COL5A1: variants seen among roughly 807,000 people sequenced by gnomAD.
COL5A1 encodes the protein collagen type V alpha 1 chain.
Under a neutral mutation model 263.7 loss-of-function variants are expected in COL5A1, and 16 were observed. The ratio of observed to expected loss-of-function variants is 0.06; its 90% CI spans 0.04 to 0.09. The LOEUF (loss-of-function observed/expected upper bound fraction) is 0.09, where lower values mean the gene tolerates loss of function less well. Ranked by LOEUF, COL5A1 falls within the 10% of genes least tolerant of loss-of-function variation. The pLI, the probability that COL5A1 is intolerant of heterozygous loss-of-function variation, is 1.00. For missense variants in COL5A1, 2,036 were observed against 2,540.5 expected (o/e 0.80, Z 4.27); for synonymous variants, 1,012 against 1,004.5 (o/e 1.01, Z -0.14).
At chr9:134,687,802 G>A (rs564533786) in intron 1 of COL5A1, among the ~76,000 whole-genome samples, 1 of 152,306 alleles carries the variant, frequency 6.6e-6, no homozygotes, top group South Asian at 2.1e-4. Flanking sequence ...GCAAAAGAGA[G>A]GGGCTCTTGT....
rs1172229000 is a variant in COL5A1 at position 134,758,851 on chromosome 9, T to C, written c.1935+555T>C. 3.9e-5 allele frequency among the ~76,000 whole-genome samples: 6 copies of C among 152,172 alleles called. No homozygotes were observed. The highest frequency in any genetic ancestry group is 1.4e-4 in the African/African-American group (6 of 41,414). On this transcript the variant is annotated intron_variant, in intron 18 of 65. Transcript: ENST00000371817. This position sits in a 1 kb window ranked among gnomAD's most constrained non-coding sequence, Gnocchi z 4.1. ...GCGGTGACCTGGGGGTCTTCCTGGC[T>C]GCGCCGTTTCTATGTGGTTGTTGGA...
intron 50 of COL5A1, 55 bp downstream of exon 50, chr9:134,814,959 T>C: frequency 1.6e-6 from 2 of 1,270,560 alleles, no homozygotes; most frequent in Non-Finnish European, 2.2e-6. Context: ...GGCTCTGCAC[T>C]GGGATCATTC....
intron 11 of COL5A1, among the ~76,000 whole-genome samples, chr9:134,747,663 GC>G (rs1835573411): frequency 1.4e-5 from 2 of 140,308 alleles, no homozygotes; most frequent in South Asian, 4.7e-4. Flanking sequence ...GCAGACACAT[GC>G]ACACATGTAT....
intron 41 of COL5A1, among the ~76,000 whole-genome samples, 187 bp downstream of exon 41, chr9:134,805,401 C>T (rs901804181): frequency 1.3e-5 from 2 of 152,084 alleles, no homozygotes; most frequent in African/African-American, 2.4e-5. Flanking sequence ...GCCAGGATGA[C>T]GAAGGGTCCC....
chr9:134,649,418 G>C (rs187897029), intron 1 of COL5A1: 1 of 455,388 alleles, frequency 2.2e-6, no homozygotes, highest in Non-Finnish European at 4.5e-6. Flanking sequence ...TCAGAGCTCT[G>C]GGGACATGGG....
At position 134,789,119 on chromosome 9, in the gene COL5A1, C is replaced by T. The variant is rs766293951; in HGVS notation, c.2647-36C>T. ...CCATGCAGCATGACTCATTCCTGGC[C>T]CAGCTCTGATGCCTCCTCCTTAAAC... On this transcript the variant is annotated intron_variant, in intron 31 of 65. Transcript: ENST00000371817. The surrounding 1 kb of genome is among the most constrained non-coding windows in gnomAD (Gnocchi z 4.8). 3.1e-6 allele frequency: 5 copies of T among 1,603,236 alleles called. No homozygotes were observed. The East Asian group carries it at 6.7e-5, about 21-fold the overall frequency.
chr9:134,820,050 C>A, intron 57 of COL5A1, 66 bp from the exon 58 acceptor site: 1 of 1,186,704 alleles, frequency 8.4e-7, no homozygotes, highest in Non-Finnish European at 1.3e-6. Context: ...TGCTAACTGG[C>A]CCACCGTGGC....
chr9:134,737,387 C>A (rs547533515), intron 9 of COL5A1, among the ~76,000 whole-genome samples: 1 of 152,340 alleles, frequency 6.6e-6, no homozygotes, highest in South Asian at 2.1e-4. Flanking sequence ...GGGGAGCAGA[C>A]ACTTGAGGGG....
intron 11 of COL5A1, among the ~76,000 whole-genome samples, chr9:134,743,250 A>G (rs1204479050): frequency 2.0e-5 from 3 of 152,104 alleles, no homozygotes; most frequent in Admixed American, 6.5e-5. Context: ...ATTTTTCAGG[A>G]TGCTGTGGCC....
Position 134,810,255 on chromosome 9 carries a change from G to A in COL5A1, c.3475G>A (p.Gly1159Arg). ...CCGAATCCCCCACACCTTCCCCTAG[G>A]GAGAGATCGGGGAGCCGGGGCAGAA... is the stretch of plus-strand genomic sequence containing the variant. Reference protein sequence around the residue: ...VGPPGEDGDKGEIGEPGQKGS... With the variant: ...VGPPGEDGDKREIGEPGQKGS... The change falls in exon 44 of 66, where the codon GGA becomes AGA. Residue 1159 changes from glycine to arginine, a missense_variant and splice_region_variant. Around this residue, in one of 3 missense-constraint regions of COL5A1, gnomAD observed 1,078 missense variants for 1,521.4 expected, o/e 0.71. Transcript: ENST00000371817. 6.2e-7 allele frequency: 1 copy of A among 1,614,126 alleles called. No individual in the cohort carries two copies. The highest frequency in any genetic ancestry group is 8.5e-7 in the Non-Finnish European group (1 of 1,179,938).
intron 59 of COL5A1, among the ~76,000 whole-genome samples, chr9:134,822,370 A>G (rs1321830593): frequency 6.6e-6 from 1 of 152,192 alleles, no homozygotes; most frequent in South Asian, 2.1e-4. Context: ...TGGGGAAGAC[A>G]GGGACAGGAA....
rs1472920205 is a variant in COL5A1, at chr9:134,647,890, G to A, written c.109+5594G>A. ...GTGGATGTGCCTCGATCCTGCAGGCGGAGCCCACAGCGGCCCTTGTGGTGG... is the reference window on the plus strand; with the variant it reads ...GTGGATGTGCCTCGATCCTGCAGGCAGAGCCCACAGCGGCCCTTGTGGTGG... On this transcript the variant is annotated intron_variant, in intron 1 of 65. Coordinates refer to ENST00000371817, the MANE Select transcript of COL5A1 (RefSeq NM_000093.5). This position sits in a 1 kb window ranked among gnomAD's most constrained non-coding sequence, Gnocchi z 5.0. Among the ~76,000 whole-genome samples, 2 of 152,170 alleles carry A rather than the reference G, an allele frequency of 1.3e-5. No individual in the cohort carries two copies. The highest frequency in any genetic ancestry group is 2.9e-5 in the Non-Finnish European group (2 of 68,038).
In COL5A1 at chr9:134,841,984, A is replaced by G. The variant is rs1042891670; in HGVS notation, c.5371-173A>G. ...TGGGACATCCACCGGGGTTAAATGC[A>G]TGCTCTGATCAGCCATATTTCCTCC... On this transcript the variant is annotated intron_variant, in intron 65 of 65. Coordinates refer to ENST00000371817, the MANE Select transcript of COL5A1 (RefSeq NM_000093.5). The surrounding 1 kb of genome is among the most constrained non-coding windows in gnomAD (Gnocchi z 4.8). 3.3e-5 allele frequency among the ~76,000 whole-genome samples: 5 copies of G among 152,052 alleles called. No individual in the cohort carries two copies. Among genetic ancestry groups the G allele is most frequent in the African/African-American group, 1.2e-4 (5 of 41,418 alleles).
chr9:134,779,938 C>T (rs1173557422), intron 27 of COL5A1, among the ~76,000 whole-genome samples, 164 bp from the exon 28 acceptor site: 1 of 152,114 alleles, frequency 6.6e-6, no homozygotes, highest in African/African-American at 2.4e-5. Context: ...CGCTGGGCCT[C>T]CTGAGGCCAC....
intron 27 of COL5A1, among the ~76,000 whole-genome samples, chr9:134,776,486 G>A (rs1242969520): frequency 6.6e-6 from 1 of 152,210 alleles, no homozygotes; most frequent in Non-Finnish European, 1.5e-5. Context: ...GGAAAACCGA[G>A]GTTTAAAATT....
intron 42 of COL5A1, among the ~76,000 whole-genome samples, chr9:134,807,512 C>T (rs752148121): frequency 7.9e-5 from 12 of 152,168 alleles, no homozygotes; most frequent in Non-Finnish European, 1.5e-4. Context: ...AGGCTGGTCT[C>T]GAACTCCTGA....
chr9:134,643,347 C>A (rs557751697), intron 1 of COL5A1, among the ~76,000 whole-genome samples: 1 of 152,060 alleles, frequency 6.6e-6, no homozygotes, highest in East Asian at 1.9e-4. Context: ...GGAGAAGTGG[C>A]GGGCAGAGCG....
Position 134,774,682 on chromosome 9 carries a change from G to A in COL5A1, c.2332-177G>A, listed in dbSNP as rs72774444. Among the ~76,000 whole-genome samples the A allele has an allele frequency of 0.022, 3,360 of 152,316 alleles. 35 individuals are homozygous for A. The highest frequency in any genetic ancestry group is 0.039 in the East Asian group (204 of 5,182). On this transcript the variant is annotated intron_variant, in intron 26 of 65. Transcript: ENST00000371817. ...AGACACAGCCACACCTCCACTGTCA[G>A]TGCAGGCTGTGAACACCTGTGCGAG...
At position 134,809,066 on chromosome 9, in the gene COL5A1, GT is replaced by G. The variant is rs1838410595; in HGVS notation, c.3367-116del. 6.6e-6 allele frequency: 6 copies of G among 915,564 alleles called. No individual in the cohort carries two copies. The East Asian group carries it at 1.6e-4, about 24-fold the overall frequency. 56.7% of individuals were successfully genotyped at this position (915,564 alleles called of 1,614,324 possible). ...GAAATCCATTAGGACTGTGGGGACGGTCACCCTCACCAACTCCCACTTCCTG... is the reference window on the plus strand; with the variant it reads ...GAAATCCATTAGGACTGTGGGGACGGCACCCTCACCAACTCCCACTTCCTG... On this transcript the variant is annotated intron_variant, in intron 42 of 65. Transcript: ENST00000371817.
Sources: allele counts gnomAD v4.1 joint callset (sites outside exome capture counted in the v4.1 genomes callset), GRCh38; gene constraint gnomAD v4.1.1; regional missense constraint gnomAD v4.1.1; non-coding constraint Gnocchi (gnomAD v3.1); transcripts MANE v1.5; gene names NCBI Gene and HGNC (gene_info 2026-07-23, HGNC 2026-07-21).